Variants in CTNNA2 observed in about 807,000 individuals in gnomAD.
CTNNA2 encodes the protein catenin alpha 2.
Under a neutral mutation model 101.0 loss-of-function variants are expected in CTNNA2, and 42 were observed. The ratio of observed to expected loss-of-function variants is 0.42; its 90% CI spans 0.32 to 0.54. The LOEUF is 0.54. CTNNA2 is among the 20% of genes least tolerant of loss of function. The pLI, the probability that CTNNA2 is intolerant of heterozygous loss-of-function variation, is 0.14. For synonymous variants in CTNNA2, 450 were observed against 456.4 expected (o/e 0.99, Z 0.18); for missense variants, 871 against 1,223.1 (o/e 0.71, Z 4.29).
intron 6 of CTNNA2, among the ~76,000 whole-genome samples, chr2:79,875,750 A>G (rs1400470065): frequency 6.6e-6 from 1 of 152,102 alleles, no homozygotes; most frequent in Admixed American, 6.6e-5. Context: ...GTGAGGATTA[A>G]ATATGATAAT....
chr2:80,477,727 A>ATGTGTGTGTGTGTGTG (rs35938297), intron 9 of CTNNA2, among the ~76,000 whole-genome samples: 1 of 143,802 alleles, frequency 7.0e-6, no homozygotes, highest in Non-Finnish European at 1.5e-5. Flanking sequence ...CATGGTGTGA[A>ATGTGTGTGTGTGTGTG]TGTGTGTGTG....
Position 80,531,413 on chromosome 2 carries a change from G to A in CTNNA2, c.1291-13569G>A, listed in dbSNP as rs183588875. Among the ~76,000 whole-genome samples, 111 of 152,306 alleles carry A rather than the reference G, an allele frequency of 7.3e-4. No homozygotes were observed. In the Middle Eastern group the frequency reaches 0.01, roughly 14 times the overall value. On this transcript the variant is annotated intron_variant, in intron 9 of 18. Coordinates refer to ENST00000402739, the MANE Select transcript of CTNNA2 (RefSeq NM_001282597.3). ...TGATAAGGAAGTGGATATCCAAGAA[G>A]GATACGGCCACAGATGAAAGGCTGC...
chr2:79,798,273 C>T (rs1675878243), intron 3 of CTNNA2, among the ~76,000 whole-genome samples: 1 of 152,192 alleles, frequency 6.6e-6, no homozygotes, highest in Non-Finnish European at 1.5e-5. Flanking sequence ...GCATCGGACT[C>T]CTACTCTAGT....
intron 4 of CTNNA2, among the ~76,000 whole-genome samples, chr2:79,462,960 G>A (rs1461668459): frequency 6.6e-6 from 1 of 152,136 alleles, no homozygotes; most frequent in Non-Finnish European, 1.5e-5. Context: ...AGTCATCCAG[G>A]TATCACATCA....
intron 7 of CTNNA2, among the ~76,000 whole-genome samples, chr2:79,917,603 G>T (rs1252471328): frequency 6.6e-6 from 1 of 151,934 alleles, no homozygotes; most frequent in Non-Finnish European, 1.5e-5. Context: ...CTGGTAGAGG[G>T]TTTTTTTTCT....
At chr2:79,652,432 T>C (rs1270370086) in intron 2 of CTNNA2, among the ~76,000 whole-genome samples, 1 of 152,118 alleles carries the variant, frequency 6.6e-6, no homozygotes, top group Non-Finnish European at 1.5e-5. Flanking sequence ...TTCTTGCTTT[T>C]CCCATCTTCT....
chr2:79,378,632 A>G (rs11126720), intron 4 of CTNNA2, among the ~76,000 whole-genome samples: 111,555 of 152,022 alleles, frequency 0.73, 41,380 homozygotes, highest in South Asian at 0.83. Context: ...ATTCTACATA[A>G]TATTTGCTCC....
intron 7 of CTNNA2, among the ~76,000 whole-genome samples, chr2:80,115,246 C>T (rs902355296): frequency 2.0e-5 from 3 of 152,212 alleles, no homozygotes; most frequent in Non-Finnish European, 4.4e-5. Flanking sequence ...CTTCATTGGC[C>T]TAAGAATCAT....
intron 2 of CTNNA2, among the ~76,000 whole-genome samples, chr2:79,242,964 C>A (rs1674645974): frequency 8.6e-6 from 1 of 116,558 alleles, no homozygotes; most frequent in African/African-American, 3.2e-5. Flanking sequence ...AAGATCCTGT[C>A]TCGAAATATA....
intron 2 of CTNNA2, among the ~76,000 whole-genome samples, chr2:79,234,333 T>C (rs1180965901): frequency 1.3e-5 from 2 of 152,190 alleles, no homozygotes; most frequent in Admixed American, 6.5e-5. Flanking sequence ...TGGTTGAAAT[T>C]CTTTTCTTTA....
intron 7 of CTNNA2, among the ~76,000 whole-genome samples, chr2:79,931,162 A>C (rs1477143634): frequency 1.3e-5 from 2 of 152,220 alleles, no homozygotes; most frequent in Admixed American, 1.3e-4. Context: ...GCACAATGCA[A>C]CTGTTCACTG....
intron 7 of CTNNA2, among the ~76,000 whole-genome samples, chr2:79,965,282 A>C (rs943332997): frequency 1.3e-5 from 2 of 152,222 alleles, no homozygotes; most frequent in Admixed American, 1.3e-4. Flanking sequence ...ATGCCTTGAC[A>C]TATGCTAAGC....
intron 3 of CTNNA2, among the ~76,000 whole-genome samples, chr2:79,765,220 A>G (rs1042858862): frequency 1.3e-5 from 2 of 152,218 alleles, no homozygotes; most frequent in African/African-American, 4.8e-5. Context: ...ATCTCAGTAA[A>G]CATTTGTTGA....
At chr2:80,596,327 T>TTTTTTTTG (rs1249822594) in intron 15 of CTNNA2, among the ~76,000 whole-genome samples, 1 of 113,684 alleles carries the variant, frequency 8.8e-6, no homozygotes, top group East Asian at 2.7e-4. Flanking sequence ...TTTTTTTTTT[T>TTTTTTTTG]GAGACGGAGT....
chr2:79,688,474 C>A (rs959837735), intron 2 of CTNNA2, among the ~76,000 whole-genome samples: 6 of 151,558 alleles, frequency 4.0e-5, no homozygotes, highest in Non-Finnish European at 7.4e-5. Context: ...ATATATATAT[C>A]TATATGTGTA....
intron 7 of CTNNA2, among the ~76,000 whole-genome samples, chr2:80,189,423 A>G (rs1706333189): frequency 6.6e-6 from 1 of 152,228 alleles, no homozygotes; most frequent in African/African-American, 2.4e-5. Context: ...TTGGAGTCAC[A>G]TCTTTGATTC....
intron 2 of CTNNA2, among the ~76,000 whole-genome samples, chr2:79,688,470 A>G (rs1684085748): frequency 6.6e-6 from 1 of 151,992 alleles, no homozygotes; most frequent in Non-Finnish European, 1.5e-5. Flanking sequence ...AAAAATATAT[A>G]TATCTATATG....
intron 7 of CTNNA2, among the ~76,000 whole-genome samples, chr2:80,249,846 CATT>C (rs1380737613): frequency 2.6e-5 from 4 of 152,284 alleles, no homozygotes; most frequent in African/African-American, 7.2e-5. Context: ...AATTCTTCAT[CATT>C]ATTATGTTTA....
intron 3 of CTNNA2, among the ~76,000 whole-genome samples, chr2:79,766,939 A>G (rs1422258192): frequency 6.6e-6 from 1 of 151,782 alleles, no homozygotes; most frequent in Non-Finnish European, 1.5e-5. Context: ...TATTTTTAGT[A>G]GAGATAGGGT....
Sources: gnomAD v4.1 joint callset for allele counts (sites outside exome capture counted in the v4.1 genomes callset) on GRCh38, gnomAD v4.1.1 for gene constraint, MANE v1.5 for transcripts, NCBI Gene and HGNC (gene_info 2026-07-23, HGNC 2026-07-21) for gene names.